Variants in TRAPPC9 observed in about 807,000 individuals in gnomAD.
TRAPPC9 encodes the protein IKK2 binding protein.
A neutral mutation model predicts 124.0 loss-of-function variants in TRAPPC9; 83 were observed. The ratio of observed to expected loss-of-function variants is 0.67; its 90% CI spans 0.56 to 0.80. The LOEUF is 0.80. Among genes scored for constraint, TRAPPC9 ranks in the 30% least tolerant of loss-of-function variants. The probability of loss-of-function intolerance (pLI) is 0.00; values close to 1 mark genes in which losing one functional copy is unlikely to be tolerated. For synonymous variants in TRAPPC9, 638 were observed against 617.5 expected, an observed-to-expected ratio of 1.03 and a Z score of -0.49; for missense variants, 1,302 against 1,508.3, an observed-to-expected ratio of 0.86 and a Z score of 2.27.
intron 18 of TRAPPC9, among the ~76,000 whole-genome samples, chr8:139,996,292 G>T (rs1335316088): frequency 1.3e-5 from 2 of 150,270 alleles, no homozygotes; most frequent in African/African-American, 4.9e-5. Flanking sequence ...AATTACCATT[G>T]ACCACCCAGA....
At chr8:140,408,344 C>T (rs1220821134) in intron 5 of TRAPPC9, among the ~76,000 whole-genome samples, 1 of 152,160 alleles carries the variant, frequency 6.6e-6, no homozygotes, top group Non-Finnish European at 1.5e-5. Flanking sequence ...CCCAACAATG[C>T]TTTCATCATT....
chr8:139,876,964 A>C (rs1829357965), intron 21 of TRAPPC9, among the ~76,000 whole-genome samples: 1 of 152,228 alleles, frequency 6.6e-6, no homozygotes, highest in Non-Finnish European at 1.5e-5. Flanking sequence ...CACACAAGCT[A>C]TCAGGTGGCT....
At chr8:140,174,172 A>G (rs1285701037) in intron 17 of TRAPPC9, among the ~76,000 whole-genome samples, 1 of 152,158 alleles carries the variant, frequency 6.6e-6, no homozygotes, top group Non-Finnish European at 1.5e-5. Context: ...CTAAATAATG[A>G]GAATATATGG....
At chr8:140,099,795 T>G (rs1382540829) in intron 17 of TRAPPC9, 1 of 139,818 alleles carries the variant, frequency 7.2e-6, no homozygotes, top group Non-Finnish European at 1.5e-5. Flanking sequence ...AGCATCCCCG[T>G]GACGCGCAGG....
chr8:140,024,303 C>A (rs1839994525), intron 17 of TRAPPC9, among the ~76,000 whole-genome samples: 1 of 151,844 alleles, frequency 6.6e-6, no homozygotes, highest in African/African-American at 2.4e-5. Flanking sequence ...CCGGTGGGCA[C>A]CATCTTTCCT....
chr8:139,824,214 G>A (rs527257915), intron 21 of TRAPPC9, among the ~76,000 whole-genome samples: 3 of 152,210 alleles, frequency 2.0e-5, no homozygotes, highest in Non-Finnish European at 2.9e-5. Context: ...AGCCCTGAGC[G>A]GTGTGTGTAC....
At chr8:139,828,622 C>T (rs1825786236) in intron 21 of TRAPPC9, among the ~76,000 whole-genome samples, 1 of 152,166 alleles carries the variant, frequency 6.6e-6, no homozygotes, top group African/African-American at 2.4e-5. Flanking sequence ...CTTGAGTTCC[C>T]CAGGGTGTCT....
intron 21 of TRAPPC9, among the ~76,000 whole-genome samples, chr8:139,790,129 A>G (rs1822553581): frequency 6.6e-6 from 1 of 152,214 alleles, no homozygotes; most frequent in South Asian, 2.1e-4. Context: ...ACATCAGGAC[A>G]CACACACGGG....
intron 17 of TRAPPC9, among the ~76,000 whole-genome samples, chr8:140,162,522 G>A (rs7822910): frequency 0.85 from 129,804 of 152,242 alleles, 55,479 homozygotes; most frequent in East Asian, 1. Context: ...TGCTCAGTAA[G>A]TATTAAATAA....
In TRAPPC9 at chr8:139,858,940, C is replaced by T. The variant is rs866009720; in HGVS notation, c.3055+26939G>A. Reference sequence around the variant, plus strand: ...CCTCCTACGGTCTCCATCTAGAAGCCGTCTCCTCTGCTTCTGCACGGTGAA... The same window carrying T: ...CCTCCTACGGTCTCCATCTAGAAGCTGTCTCCTCTGCTTCTGCACGGTGAA... On this transcript the variant is annotated intron_variant, in intron 21 of 22. Transcript: ENST00000438773. Among the ~76,000 whole-genome samples, 7 of 148,104 alleles carry T rather than the reference C, an allele frequency of 4.7e-5. No homozygotes were observed. In the South Asian group the frequency reaches 6.8e-4, roughly 14 times the overall value.
intron 19 of TRAPPC9, among the ~76,000 whole-genome samples, chr8:139,968,938 G>A (rs996971610): frequency 6.6e-6 from 1 of 152,226 alleles, no homozygotes; most frequent in African/African-American, 2.4e-5. Flanking sequence ...CACATGGAGA[G>A]ACCATCAGCT....
chr8:140,071,868 A>C (rs1843174537), intron 17 of TRAPPC9, among the ~76,000 whole-genome samples: 1 of 152,226 alleles, frequency 6.6e-6, no homozygotes, highest in Admixed American at 6.5e-5. Flanking sequence ...GGAAAAGACA[A>C]CACCATAGCC....
At chr8:140,339,356 CTTCACAT>C (rs1193515215) in intron 9 of TRAPPC9, among the ~76,000 whole-genome samples, 1 of 152,238 alleles carries the variant, frequency 6.6e-6, no homozygotes, top group African/African-American at 2.4e-5. Flanking sequence ...TTCTCTGTCA[CTTCACAT>C]TGAAGTGACA....
At chr8:139,878,529 G>A (rs779512023) in intron 21 of TRAPPC9, among the ~76,000 whole-genome samples, 11 of 152,194 alleles carry the variant, frequency 7.2e-5, no homozygotes, top group Admixed American at 1.3e-4. Context: ...GTGCAGTGCT[G>A]GGGGAGACCA....
Position 139,732,097 on chromosome 8 carries a change from C to T in TRAPPC9, c.3161G>A (p.Ser1054Asn). The change falls in exon 22 of 23, where the codon AGC becomes AAC. Residue 1054 changes from serine to asparagine, a missense_variant. Around this residue, in one of 3 missense-constraint regions of TRAPPC9, gnomAD observed 640 missense variants for 679.3 expected, o/e 0.94. Transcript: ENST00000438773. ...EVRLTNRSPR[S>N]VGPFALTVVP... ...CACAGTGAGGGCGAAGGGCCCTACG[C>T]TGCGCGGGCTCCGGTTGGTCAGCCG... The T allele has an allele frequency of 1.2e-6, 2 of 1,606,514 alleles. No homozygotes were observed. The highest frequency in any genetic ancestry group is 1.7e-6 in the Non-Finnish European group (2 of 1,176,934).
At chr8:140,067,297 C>T (rs547854665) in intron 17 of TRAPPC9, among the ~76,000 whole-genome samples, 3 of 152,258 alleles carry the variant, frequency 2.0e-5, no homozygotes, top group Admixed American at 1.3e-4. Context: ...GCGTGTGCCA[C>T]CAAACCCAGC....
At chr8:140,011,670 AT>A (rs56884853) in intron 18 of TRAPPC9, among the ~76,000 whole-genome samples, 672 of 62,610 alleles carry the variant, frequency 0.011, 6 homozygotes, top group East Asian at 0.02. Context: ...CACCCAGCTA[AT>A]TTTTTTTTTT....
chr8:140,138,865 G>A (rs1487291725), intron 17 of TRAPPC9, among the ~76,000 whole-genome samples: 3 of 152,136 alleles, frequency 2.0e-5, no homozygotes, highest in African/African-American at 7.2e-5. Context: ...GGTCAACCCT[G>A]ATCTAGGGAG....
At position 139,961,398 on chromosome 8, in the gene TRAPPC9, C is replaced by T. The variant is rs1835365034; in HGVS notation, c.2810+27328G>A. On this transcript the variant is annotated intron_variant, in intron 19 of 22. Transcript: ENST00000438773. ...AATTGGAGTGGGAGCACCTGGGGTG[C>T]CACAGCTGCCCAAACCACCACCCAA... Among the ~76,000 whole-genome samples, 2 of 123,824 alleles carry T rather than the reference C, an allele frequency of 1.6e-5. 1 individual carries two copies. Among genetic ancestry groups the T allele is most frequent in the African/African-American group, 5.1e-5 (2 of 39,118 alleles). The allele number at this position is 123,824 out of a possible 152,430, so 81.2% of individuals were successfully genotyped here.
Sources: allele counts gnomAD v4.1 joint callset (sites outside exome capture counted in the v4.1 genomes callset), GRCh38; gene constraint gnomAD v4.1.1; regional missense constraint gnomAD v4.1.1; transcripts MANE v1.5; gene names NCBI Gene and HGNC (gene_info 2026-07-23, HGNC 2026-07-21).